Variants in HS2ST1 observed in about 807,000 individuals in gnomAD.
HS2ST1 encodes 2-O-sulfotransferase.
A neutral mutation model predicts 42.9 loss-of-function variants in HS2ST1; 18 were observed. The ratio of observed to expected loss-of-function variants is 0.42; its 90% CI spans 0.29 to 0.62. The LOEUF (loss-of-function observed/expected upper bound fraction) is 0.62, where lower values mean the gene tolerates loss of function less well. Ranked by LOEUF, HS2ST1 falls within the 20% of genes least tolerant of loss-of-function variation. The pLI is 0.21. For synonymous variants in HS2ST1, 146 were observed against 152.9 expected (o/e 0.95, Z 0.33); for missense variants, 334 against 433.8 (o/e 0.77, Z 2.04).
intron 1 of HS2ST1, among the ~76,000 whole-genome samples, chr1:87,011,551 G>A (rs1485022475): frequency 6.6e-6 from 1 of 152,128 alleles, no homozygotes; most frequent in Non-Finnish European, 1.5e-5. Flanking sequence ...CTGTTCCCCA[G>A]TATTCTTAAT....
intron 1 of HS2ST1, among the ~76,000 whole-genome samples, chr1:87,022,694 G>A (rs1427636507): frequency 6.6e-6 from 1 of 152,140 alleles, no homozygotes; most frequent in East Asian, 1.9e-4. Flanking sequence ...TTAAAAAGCT[G>A]CCAACACAGT....
At position 87,072,954 on chromosome 1, in the gene HS2ST1, G is replaced by C; in HGVS notation, c.145G>C (p.Glu49Gln). The change falls in exon 2 of 7, where the codon GAA (glutamate) becomes CAA (glutamine). Residue 49 changes from glutamate (E) to glutamine (Q), a missense_variant. By Grantham distance (29) the Glu-to-Gln change is conservative. Transcript: ENST00000370550. ...TCCAGAAAGGGCTATTGCAAGACAC[G>C]AAGTCCGAGAAATTGAGCAGCGACA... is the stretch of plus-strand genomic sequence containing the variant. ...SKLERAIARH[E>Q]VREIEQRHTM... The C allele has an allele frequency of 6.2e-7, 1 of 1,613,870 alleles. No homozygotes were observed. The highest frequency in any genetic ancestry group is 2.2e-5 in the East Asian group (1 of 44,826).
intron 1 of HS2ST1, chr1:86,935,002 T>C (rs922944025): frequency 6.9e-6 from 1 of 145,540 alleles, no homozygotes; most frequent in African/African-American, 2.6e-5. Context: ...AGGATGGGAG[T>C]GATGACTTCC....
intron 1 of HS2ST1, among the ~76,000 whole-genome samples, chr1:87,062,731 A>G (rs760257743): frequency 4.6e-5 from 7 of 152,206 alleles, no homozygotes; most frequent in East Asian, 1.9e-4. Context: ...GGGTAGGTCT[A>G]CTGGCAATAA....
intron 1 of HS2ST1, among the ~76,000 whole-genome samples, chr1:87,020,871 A>G (rs978076305): frequency 6.6e-6 from 1 of 152,192 alleles, no homozygotes; most frequent in Non-Finnish European, 1.5e-5. Flanking sequence ...GGTCAGGGAA[A>G]CAATTCAGGA....
chr1:87,039,278 A>G (rs997594514), intron 1 of HS2ST1, among the ~76,000 whole-genome samples: 2 of 152,206 alleles, frequency 1.3e-5, no homozygotes, highest in East Asian at 1.9e-4. Context: ...CCACCAGCCA[A>G]TGCTACCTCA....
At chr1:87,045,715 C>T (rs7534656) in intron 1 of HS2ST1, 665,191 of 825,478 alleles carry the variant, frequency 0.81, 270,497 homozygotes, top group East Asian at 0.96. Context: ...TTCCCTGCCA[C>T]TGATTTGATA....
intron 1 of HS2ST1, among the ~76,000 whole-genome samples, chr1:87,034,058 A>T (rs1393281364): frequency 6.6e-6 from 1 of 152,176 alleles, no homozygotes; most frequent in Non-Finnish European, 1.5e-5. Context: ...AGGATTATTA[A>T]TTTTTAAATA....
intron 1 of HS2ST1, 149 bp downstream of exon 1, chr1:86,915,309 G>A: frequency 1.1e-6 from 1 of 881,444 alleles, no homozygotes; most frequent in Non-Finnish European, 1.7e-6. Flanking sequence ...GGCAGCGAGA[G>A]CACGAGCTCC....
intron 1 of HS2ST1, among the ~76,000 whole-genome samples, chr1:87,057,808 GC>G (rs1244210268): frequency 6.6e-6 from 1 of 150,548 alleles, no homozygotes; most frequent in Admixed American, 6.6e-5. Context: ...CTGAGATCAT[GC>G]CACTGCACTC....
intron 1 of HS2ST1, among the ~76,000 whole-genome samples, chr1:87,018,132 CCACA>C (rs56401098): frequency 4.2e-4 from 62 of 149,344 alleles, no homozygotes; most frequent in African/African-American, 8.4e-4. Flanking sequence ...TAAATAAAAG[CCACA>C]CACACACACA....
intron 1 of HS2ST1, among the ~76,000 whole-genome samples, chr1:86,935,527 A>G (rs939087128): frequency 3.4e-5 from 5 of 145,344 alleles, no homozygotes; most frequent in African/African-American, 1.3e-4. Context: ...CAGTGGCACA[A>G]TCTCGGCTCA....
chr1:87,042,545 T>C (rs990875089), intron 1 of HS2ST1, among the ~76,000 whole-genome samples: 2 of 152,296 alleles, frequency 1.3e-5, no homozygotes, highest in South Asian at 4.1e-4. Flanking sequence ...CTCCTTTTTA[T>C]ATATACCTCC....
intron 1 of HS2ST1, among the ~76,000 whole-genome samples, chr1:87,021,290 C>T (rs1649942269): frequency 6.6e-6 from 1 of 152,140 alleles, no homozygotes; most frequent in African/African-American, 2.4e-5. Context: ...GCAGTTTAGA[C>T]CTTGTTCAGA....
At chr1:87,019,661 A>T (rs1283640133) in intron 1 of HS2ST1, among the ~76,000 whole-genome samples, 8 of 152,206 alleles carry the variant, frequency 5.3e-5, no homozygotes, top group Non-Finnish European at 2.9e-5. Flanking sequence ...ATCTGTAGCT[A>T]AATATCACTT....
At chr1:87,016,118 GCT>G (rs1449052878) in intron 1 of HS2ST1, among the ~76,000 whole-genome samples, 4 of 152,086 alleles carry the variant, frequency 2.6e-5, no homozygotes, top group Non-Finnish European at 5.9e-5. Context: ...CCCGGCCTTA[GCT>G]CTTTTTCTTA....
At chr1:87,009,445 CA>C (rs1488308444) in intron 1 of HS2ST1, among the ~76,000 whole-genome samples, 3 of 152,170 alleles carry the variant, frequency 2.0e-5, no homozygotes, top group Non-Finnish European at 4.4e-5. Flanking sequence ...CCAGTACTAA[CA>C]AACACAGAAA....
intron 4 of HS2ST1, among the ~76,000 whole-genome samples, chr1:87,094,815 T>A (rs905623734): frequency 2.0e-5 from 3 of 152,158 alleles, no homozygotes; most frequent in Non-Finnish European, 4.4e-5. Context: ...TTTGTTTTTT[T>A]ATTTTTTAAC....
At chr1:86,919,817 G>A (rs1009958192) in intron 1 of HS2ST1, among the ~76,000 whole-genome samples, 2 of 152,064 alleles carry the variant, frequency 1.3e-5, no homozygotes, top group African/African-American at 2.4e-5. Context: ...TAGGAGATAA[G>A]CTTATTACCT....
Sources: allele counts gnomAD v4.1 joint callset (sites outside exome capture counted in the v4.1 genomes callset), GRCh38; gene constraint gnomAD v4.1.1; transcripts MANE v1.5; gene names NCBI Gene and HGNC (gene_info 2026-07-23, HGNC 2026-07-21).